The following C20orf203 variants were observed in gnomAD, a reference collection of about 807,000 sequenced individuals.
C20orf203 encodes the protein chromosome 20 open reading frame 203.
In C20orf203, 16 loss-of-function variants were observed where a neutral mutation model predicts 15.9. The ratio of observed to expected loss-of-function variants is 1.01; its 90% CI spans 0.68 to 1.53. The LOEUF (loss-of-function observed/expected upper bound fraction) is 1.53. C20orf203 is among the 40% of genes most tolerant of loss of function. C20orf203 has a pLI of 0.00. For missense variants in C20orf203, 263 were observed against 247.5 expected (o/e 1.06, Z -0.42); for synonymous variants, 98 against 97.2 (o/e 1.01, Z -0.05).
intron 4 of C20orf203, among the ~76,000 whole-genome samples, chr20:32,642,527 C>A (rs542491046): frequency 6.6e-6 from 1 of 152,352 alleles, no homozygotes; most frequent in South Asian, 2.1e-4. Flanking sequence ...GGCCACCAGG[C>A]AACTGCCTCT....
intron 4 of C20orf203, among the ~76,000 whole-genome samples, chr20:32,642,507 C>T (rs979443506): frequency 4.6e-5 from 7 of 152,212 alleles, no homozygotes; most frequent in African/African-American, 1.7e-4. Context: ...ACACTTTTGG[C>T]GCGGCGAGAG....
At chr20:32,645,113 C>T (rs936814472) in intron 4 of C20orf203, among the ~76,000 whole-genome samples, 2 of 152,042 alleles carry the variant, frequency 1.3e-5, no homozygotes, top group Non-Finnish European at 2.9e-5. Flanking sequence ...TGATCTGGCC[C>T]CTAACAGCCT....
chr20:32,659,904 T>C (rs926910380), intron 1 of C20orf203, among the ~76,000 whole-genome samples: 1 of 152,216 alleles, frequency 6.6e-6, no homozygotes, highest in Non-Finnish European at 1.5e-5. Flanking sequence ...CATATAATTA[T>C]ATCAAATGTA....
At chr20:32,656,403 T>A (rs1268827727) in intron 1 of C20orf203, among the ~76,000 whole-genome samples, 2 of 152,146 alleles carry the variant, frequency 1.3e-5, no homozygotes, top group East Asian at 1.9e-4. Flanking sequence ...CAAGTGTTGA[T>A]GAGAATATGG....
chr20:32,666,038 C>G (rs1218876419), intron 1 of C20orf203, among the ~76,000 whole-genome samples: 1 of 150,798 alleles, frequency 6.6e-6, no homozygotes, highest in Non-Finnish European at 1.5e-5. Flanking sequence ...GAGGCTGAGG[C>G]AGGAGGATCA....
intron 1 of C20orf203, among the ~76,000 whole-genome samples, chr20:32,653,989 A>G (rs1250276288): frequency 6.6e-6 from 1 of 151,940 alleles, no homozygotes; most frequent in Non-Finnish European, 1.5e-5. Context: ...GCTACTCAGG[A>G]GGCTGAAGCA....
intron 1 of C20orf203, among the ~76,000 whole-genome samples, chr20:32,662,496 G>A (rs1319259217): frequency 6.6e-6 from 1 of 152,100 alleles, no homozygotes; most frequent in Non-Finnish European, 1.5e-5. Flanking sequence ...AGCTACTCTG[G>A]AGGCTGAGGC....
intron 1 of C20orf203, among the ~76,000 whole-genome samples, chr20:32,669,899 T>C (rs1983120903): frequency 6.6e-6 from 1 of 152,164 alleles, no homozygotes; most frequent in African/African-American, 2.4e-5. Flanking sequence ...AAACCATATA[T>C]GTAATAAGAA....
At chr20:32,665,394 T>C (rs1294558460) in intron 1 of C20orf203, among the ~76,000 whole-genome samples, 1 of 152,190 alleles carries the variant, frequency 6.6e-6, no homozygotes, top group Non-Finnish European at 1.5e-5. Context: ...AGAGAGCCTG[T>C]GCTCAGGAGC....
chr20:32,660,906 C>T (rs766814401), intron 1 of C20orf203, among the ~76,000 whole-genome samples: 4 of 152,092 alleles, frequency 2.6e-5, no homozygotes, highest in Non-Finnish European at 5.9e-5. Flanking sequence ...CATCAGATCT[C>T]GTGAGAATGA....
At chr20:32,664,440 C>T (rs572094172) in intron 1 of C20orf203, among the ~76,000 whole-genome samples, 3 of 152,334 alleles carry the variant, frequency 2.0e-5, no homozygotes, top group Non-Finnish European at 4.4e-5. Flanking sequence ...ACTGCCCTCA[C>T]GTCCTTCCAG....
chr20:32,649,102 A>T (rs1600931458), intron 4 of C20orf203, among the ~76,000 whole-genome samples, 153 bp downstream of exon 4: 1 of 152,214 alleles, frequency 6.6e-6, no homozygotes, highest in Non-Finnish European at 1.5e-5. Context: ...AATGGCAAAA[A>T]CAGCCAATGA....
chr20:32,648,607 AT>A (rs542771108), intron 4 of C20orf203, among the ~76,000 whole-genome samples: 1,913 of 125,816 alleles, frequency 0.015, 41 homozygotes, highest in African/African-American at 0.047. Context: ...AATCTGGCTA[AT>A]TTTTTTTTTT....
chr20:32,651,194 T>G (rs1600933415), intron 2 of C20orf203, 28 bp from the exon 3 acceptor site: 2 of 461,296 alleles, frequency 4.3e-6, no homozygotes, highest in African/African-American at 4.8e-5. Context: ...AAAAAAAAAA[T>G]TAGCTGGGTG....
At chr20:32,652,944 C>T (rs1314304344) in intron 1 of C20orf203, among the ~76,000 whole-genome samples, 1 of 152,196 alleles carries the variant, frequency 6.6e-6, no homozygotes, top group Non-Finnish European at 1.5e-5. Flanking sequence ...CCGTCACTCC[C>T]TTCCTGGAGA....
chr20:32,673,018 G>T (rs1438645523), intron 1 of C20orf203, among the ~76,000 whole-genome samples: 2 of 152,138 alleles, frequency 1.3e-5, no homozygotes, highest in African/African-American at 4.8e-5. Context: ...GGATCTAGGG[G>T]CTGAAATGAG....
chr20:32,673,068 G>C (rs567505268), intron 1 of C20orf203, among the ~76,000 whole-genome samples: 1 of 152,266 alleles, frequency 6.6e-6, no homozygotes. Context: ...AAGACTCCTT[G>C]GTAGTAAGGG....
In C20orf203 at chr20:32,666,797, T is replaced by TTATATATATATATATATATATATA. The variant is rs34933326; in HGVS notation, c.-264+6811_-264+6834dup. 4.0e-3 allele frequency among the ~76,000 whole-genome samples: 260 copies of TTATATATATATATATATATATATA among 65,416 alleles called. 1 individual carries two copies. The highest frequency in any genetic ancestry group is 6.4e-3 in the South Asian group (9 of 1,414). The allele number at this position is 65,416 out of a possible 152,430, so 42.9% of individuals were successfully genotyped here. On this transcript the variant is annotated intron_variant, in intron 1 of 5. Coordinates refer to ENST00000608990, the MANE Select transcript of C20orf203 (RefSeq NM_182584.4). ...AAAAAAAGATGAAATTAATTTTAAT[T>TTATATATATATATATATATATATA]TATATATATATATATATATATATAT...
chr20:32,637,346 G>C (rs1479701398), intron 5 of C20orf203, among the ~76,000 whole-genome samples: 2 of 152,316 alleles, frequency 1.3e-5, no homozygotes, highest in East Asian at 3.9e-4. Flanking sequence ...CCAGGAAGAG[G>C]AGGTTGCAGG....
Sources: gnomAD v4.1 joint callset for allele counts (sites outside exome capture counted in the v4.1 genomes callset) on GRCh38, gnomAD v4.1.1 for gene constraint, MANE v1.5 for transcripts, NCBI Gene and HGNC (gene_info 2026-07-23, HGNC 2026-07-21) for gene names.